The following NFKBIB variants were observed in gnomAD, a reference collection of about 807,000 sequenced individuals.
The protein encoded by NFKBIB is NFKB inhibitor beta.
Under a neutral mutation model 32.1 loss-of-function variants are expected in NFKBIB, and 16 were observed. That is an observed-to-expected ratio of 0.50 (90% CI 0.34 to 0.76). The LOEUF is 0.76. NFKBIB is among the 30% of genes least tolerant of loss of function. The pLI is 0.01. For synonymous variants in NFKBIB, 222 were observed against 219.5 expected (o/e 1.01, Z -0.10); for missense variants, 437 against 514.9 (o/e 0.85, Z 1.46).
In NFKBIB at chr19:38,900,227, G is replaced by A. The variant is rs1008599029; in HGVS notation, c.179+16G>A. ...ATGGGGACACGTGAGTGAACCTTAG[G>A]CTGCCAAACGGAGCCCTAGGACCCG... is the stretch of plus-strand genomic sequence containing the variant. On this transcript the variant is annotated intron_variant, in intron 1 of 5. Transcript: ENST00000313582. 2.5e-6 allele frequency: 4 copies of A among 1,581,760 alleles called. No homozygotes were observed. The highest frequency in any genetic ancestry group is 3.4e-6 in the Non-Finnish European group (4 of 1,168,466).
In NFKBIB at chr19:38,899,977, G is replaced by T. The variant is rs754707835; in HGVS notation, c.-56G>T. On this transcript the variant is annotated 5_prime_UTR_variant, in exon 1 of 6. Coordinates refer to ENST00000313582, the MANE Select transcript of NFKBIB (RefSeq NM_002503.5). ...GCAGGGCGGAAGCTCCAGAACTCCC[G>T]GCAAAGCCCAGCTACAGGCGGGCGA... 1.4e-6 allele frequency: 2 copies of T among 1,432,658 alleles called. No individual in the cohort carries two copies. Among genetic ancestry groups the T allele is most frequent in the East Asian group, 2.5e-5 (1 of 39,622 alleles). 88.7% of individuals were successfully genotyped at this position (1,432,658 alleles called of 1,614,324 possible).
intron 1 of NFKBIB, 99 bp downstream of exon 1, chr19:38,900,310 A>C: frequency 5.4e-6 from 7 of 1,298,340 alleles, no homozygotes; most frequent in South Asian, 1.6e-5. Flanking sequence ...ATACTCCTAA[A>C]TCTGACTTCC....
chr19:38,908,009 T>C (rs3136645), intron 5 of NFKBIB: 212,511 of 1,132,180 alleles, frequency 0.19, 22,082 homozygotes, highest in East Asian at 0.48. Flanking sequence ...AAGAAAACCT[T>C]GGGTGGCAGT....
Position 38,908,749 on chromosome 19 carries a change from G to A in NFKBIB, c.988G>A (p.Val330Met), listed in dbSNP as rs771280682. Residue 330 changes from valine (V) to methionine (M), a missense_variant, in exon 6 of 6, where the codon GTG (valine) becomes ATG (methionine). Transcript: ENST00000313582. ...CCCCCAGGATGAATACGACGACATT[G>A]TGGTTCACAGCAGCCGCAGCCAAAC... is the stretch of plus-strand genomic sequence containing the variant. The part of the protein sequence containing the change: ...GDEGDEYDDI[V>M]VHSSRSQTRL... The A allele has an allele frequency of 1.2e-5, 20 of 1,613,436 alleles. No individual in the cohort carries two copies. Among genetic ancestry groups the A allele is most frequent in the Admixed American group, 5.0e-5 (3 of 59,888 alleles).
chr19:38,907,415 G>A lies in NFKBIB; in HGVS notation c.725G>A (p.Arg242Gln), dbSNP rs1315913518. ...DLDKPEPTCGRSPLHLAVEAQ... is the reference protein window; with the variant it reads ...DLDKPEPTCGQSPLHLAVEAQ... ...CCCCCACAGGAGCCCACGTGCGGCC[G>A]GAGCCCCCTTCATTTGGCAGTGGAG... Residue 242 changes from arginine (R) to glutamine (Q), a missense_variant, in exon 5 of 6, where the codon CGG becomes CAG. By Grantham distance (43) the Arg-to-Gln change is conservative (BLOSUM62 1). Coordinates refer to ENST00000313582, the MANE Select transcript of NFKBIB (RefSeq NM_002503.5). The A allele has an allele frequency of 8.8e-6, 14 of 1,592,352 alleles. No homozygotes were observed. The highest frequency in any genetic ancestry group is 1.2e-5 in the Non-Finnish European group (14 of 1,164,908).
In NFKBIB at chr19:38,905,694, G is replaced by A. The variant is rs1333504048; in HGVS notation, c.619+159G>A. ...ACCAGGGACCTCCACTCAGGGCCCA[G>A]ATGATTGAGAATTGGATATGTAGGA... On this transcript the variant is annotated intron_variant, in intron 3 of 5. Coordinates refer to ENST00000313582, the MANE Select transcript of NFKBIB (RefSeq NM_002503.5). The surrounding 1 kb of genome is among the most constrained non-coding windows in gnomAD (Gnocchi z 5.5). Among the ~76,000 whole-genome samples, 1 of 152,166 alleles carries A rather than the reference G, an allele frequency of 6.6e-6. No homozygotes were observed. Among genetic ancestry groups the A allele is most frequent in the African/African-American group, 2.4e-5 (1 of 41,418 alleles).
chr19:38,908,083 G>A (rs1184757124), intron 5 of NFKBIB: 30 of 1,042,044 alleles, frequency 2.9e-5, no homozygotes, highest in Non-Finnish European at 3.2e-5. Context: ...TATAGTCAGA[G>A]AACCCAGCAA....
intron 1 of NFKBIB, among the ~76,000 whole-genome samples, chr19:38,903,576 C>T (rs1362606621): frequency 6.6e-6 from 1 of 152,032 alleles, no homozygotes; most frequent in Non-Finnish European, 1.5e-5. Context: ...GTGTGGGCCA[C>T]CGTGCCCAGC....
At chr19:38,907,965 T>G in intron 5 of NFKBIB, 2 of 1,209,980 alleles carry the variant, frequency 1.7e-6, no homozygotes, top group Non-Finnish European at 2.1e-6. Context: ...GGGGTGATTT[T>G]AGGCAGCAAG....
At position 38,905,565 on chromosome 19, in the gene NFKBIB, C is replaced by A; in HGVS notation, c.619+30C>A. ...GGGTCGTCACCAGGGAAGGACTCAG[C>A]TCCTGGGCTAGGCGAGAGCACCTGG... On this transcript the variant is annotated intron_variant, in intron 3 of 5. Transcript: ENST00000313582. This position sits in a 1 kb window ranked among gnomAD's most constrained non-coding sequence, Gnocchi z 5.5. The A allele has an allele frequency of 6.5e-7, 1 of 1,550,346 alleles. No individual in the cohort carries two copies. Among genetic ancestry groups the A allele is most frequent in the Admixed American group, 1.9e-5 (1 of 53,668 alleles).
intron 1 of NFKBIB, among the ~76,000 whole-genome samples, chr19:38,901,289 G>T (rs1973951251): frequency 6.6e-6 from 1 of 151,646 alleles, no homozygotes; most frequent in African/African-American, 2.4e-5. Flanking sequence ...CTATTCAATT[G>T]GTCTCTGTTC....
At position 38,900,078 on chromosome 19, in the gene NFKBIB, T is replaced by C. The variant is rs914932017; in HGVS notation, c.46T>C (p.Trp16Arg). The change falls in exon 1 of 6, where the codon TGG (tryptophan) becomes CGG (arginine). Residue 16 changes from tryptophan to arginine, a missense_variant. Physicochemically the swap from Trp to Arg is moderately radical, Grantham distance 101 (BLOSUM62 -3). Transcript: ENST00000313582. ...GGGAAAAGCTGCCGACGCAGATGAA[T>C]GGTGCGACAGCGGCCTGGGCTCCCT... ...CLGKAADADEWCDSGLGSLGP... is the reference protein window; with the variant it reads ...CLGKAADADERCDSGLGSLGP... 2.0e-6 allele frequency: 3 copies of C among 1,526,806 alleles called. No homozygotes were observed. 94.6% of individuals were successfully genotyped at this position (1,526,806 alleles called of 1,614,324 possible). A position where few individuals can be genotyped will look rare whatever the true frequency, so the allele number is the denominator to read the frequency against.
rs74176475 is a variant in NFKBIB at position 38,902,085 on chromosome 19, C to CTTT, written c.179+1885_179+1887dup. Among the ~76,000 whole-genome samples, 3 of 92,388 alleles carry CTTT rather than the reference C, an allele frequency of 3.2e-5. 1 individual carries two copies. The highest frequency in any genetic ancestry group is 4.1e-5 in the Non-Finnish European group (2 of 49,178). 60.6% of individuals were successfully genotyped at this position (92,388 alleles called of 152,430 possible). On this transcript the variant is annotated intron_variant, in intron 1 of 5. Transcript: ENST00000313582. ...CTGTATAGTGTTTTTCATTTTATTT[C>CTTT]TTTTTTTTTTTTTGAGATGGAGTCT...
chr19:38,900,492 T>C (rs1973915161), intron 1 of NFKBIB, among the ~76,000 whole-genome samples: 1 of 152,224 alleles, frequency 6.6e-6, no homozygotes, highest in African/African-American at 2.4e-5. Flanking sequence ...ACTCCAGTCC[T>C]GAGACTTCTG....
At chr19:38,908,014 G>T (rs1974199099) in intron 5 of NFKBIB, 3 of 1,131,498 alleles carry the variant, frequency 2.7e-6, no homozygotes, top group South Asian at 5.7e-5. Flanking sequence ...AACCTTGGGT[G>T]GCAGTGATTT....
At chr19:38,908,516 G>T (rs1271351055) in intron 5 of NFKBIB, 7 of 1,261,608 alleles carry the variant, frequency 5.5e-6, no homozygotes, top group Non-Finnish European at 7.0e-6. Context: ...TCCAGCCTGG[G>T]CAACAGAGCG....
intron 1 of NFKBIB, among the ~76,000 whole-genome samples, chr19:38,903,350 C>T (rs1056851211): frequency 1.1e-4 from 17 of 152,214 alleles, no homozygotes; most frequent in Non-Finnish European, 1.9e-4. Context: ...GTGGCACGAT[C>T]TCAGCTCACT....
intron 3 of NFKBIB, among the ~76,000 whole-genome samples, chr19:38,907,007 T>C (rs528124029): frequency 3.3e-5 from 5 of 152,276 alleles, no homozygotes; most frequent in Non-Finnish European, 5.9e-5. Flanking sequence ...GCCCCAGGCT[T>C]CAAACAACTC....
chr19:38,899,696 G>A, upstream of NFKBIB: 1 of 925,076 alleles, frequency 1.1e-6, no homozygotes, highest in South Asian at 1.4e-5. Context: ...AGACATTGCG[G>A]CCGCAGACGC....
Sources: allele counts gnomAD v4.1 joint callset (sites outside exome capture counted in the v4.1 genomes callset), GRCh38; gene constraint gnomAD v4.1.1; non-coding constraint Gnocchi (gnomAD v3.1); transcripts MANE v1.5; gene names NCBI Gene and HGNC (gene_info 2026-07-23, HGNC 2026-07-21).